Variants in PTPRC observed in about 807,000 individuals in gnomAD.
PTPRC encodes protein tyrosine phosphatase receptor type C, also known as receptor-type tyrosine-protein phosphatase C.
Under a neutral mutation model 155.9 loss-of-function variants are expected in PTPRC, and 44 were observed. The observed-to-expected ratio is 0.28, with a 90% CI of 0.22 to 0.36. The LOEUF (loss-of-function observed/expected upper bound fraction) is 0.36. Among genes scored for constraint, PTPRC ranks in the 10% least tolerant of loss-of-function variants. The pLI is 1.00. For missense variants in PTPRC, 1,401 were observed against 1,564.6 expected, an observed-to-expected ratio of 0.90 and a Z score of 1.76; for synonymous variants, 525 against 533.1, an observed-to-expected ratio of 0.98 and a Z score of 0.21.
intron 2 of PTPRC, among the ~76,000 whole-genome samples, chr1:198,677,745 C>T (rs1364359561): frequency 6.6e-6 from 1 of 152,092 alleles, no homozygotes; most frequent in Non-Finnish European, 1.5e-5. Context: ...ACCAAGCCTC[C>T]TGCATGTATT....
At chr1:198,685,897 G>T (rs1214969140) in intron 2 of PTPRC, among the ~76,000 whole-genome samples, 1 of 151,604 alleles carries the variant, frequency 6.6e-6, no homozygotes. Flanking sequence ...ACTTTTCCCA[G>T]ATTTGCAGAA....
chr1:198,708,192 T>A lies in PTPRC; in HGVS notation c.964T>A (p.Cys322Ser). 1 of 1,604,950 alleles carries A rather than the reference T, an allele frequency of 6.2e-7. No homozygotes were observed. The highest frequency in any genetic ancestry group is 1.1e-5 in the South Asian group (1 of 90,932). The part of the protein sequence containing the change: ...TQVEKADTTI[C>S]LKWKNIETFT... ...AGTTGAAAAAGCAGATACTACTATT[T>A]GTTTAAAATGGAAAAATATTGAAAC... The change falls in exon 10 of 33, where the codon TGT becomes AGT. Residue 322 changes from cysteine (C) to serine (S), a missense_variant. Around this residue, in one of 3 missense-constraint regions of PTPRC, gnomAD observed 867 missense variants for 970.4 expected, o/e 0.89. Transcript: ENST00000442510.
chr1:198,729,799 T>C (rs970129708), intron 17 of PTPRC, among the ~76,000 whole-genome samples: 2 of 152,142 alleles, frequency 1.3e-5, no homozygotes, highest in Admixed American at 6.6e-5. Flanking sequence ...GTTGAATGTG[T>C]ATAGTTCTAT....
intron 2 of PTPRC, among the ~76,000 whole-genome samples, chr1:198,645,033 G>T (rs1403460012): frequency 6.6e-6 from 1 of 151,678 alleles, no homozygotes; most frequent in Non-Finnish European, 1.5e-5. Flanking sequence ...ATCAAAATTT[G>T]CATACCTGGA....
intron 12 of PTPRC, 111 bp downstream of exon 12, chr1:198,713,183 T>G: frequency 2.7e-6 from 4 of 1,462,642 alleles, no homozygotes; most frequent in Non-Finnish European, 3.8e-6. Flanking sequence ...AGAGACTGCA[T>G]AGGCATAGTA....
At chr1:198,665,690 G>T (rs1055092373) in intron 2 of PTPRC, among the ~76,000 whole-genome samples, 3 of 152,110 alleles carry the variant, frequency 2.0e-5, no homozygotes, top group Non-Finnish European at 4.4e-5. Flanking sequence ...CCTTTCCTTG[G>T]ATTCTCACCA....
intron 2 of PTPRC, among the ~76,000 whole-genome samples, chr1:198,690,696 T>A (rs148183590): frequency 6.6e-6 from 1 of 152,164 alleles, no homozygotes; most frequent in East Asian, 1.9e-4. Context: ...TCTCAGAAGA[T>A]AAAATATAAA....
At chr1:198,669,828 C>A (rs946458559) in intron 2 of PTPRC, among the ~76,000 whole-genome samples, 2 of 152,108 alleles carry the variant, frequency 1.3e-5, no homozygotes, top group African/African-American at 2.4e-5. Flanking sequence ...ATGATGGAGT[C>A]ATTTTTTTCA....
At chr1:198,690,770 C>T (rs1014772338) in intron 2 of PTPRC, among the ~76,000 whole-genome samples, 2 of 152,052 alleles carry the variant, frequency 1.3e-5, no homozygotes, top group African/African-American at 4.8e-5. Context: ...TTCTCTTTAA[C>T]AACCTGAGTT....
intron 28 of PTPRC, 106 bp downstream of exon 28, chr1:198,749,655 T>A (rs1320893614): frequency 9.2e-7 from 1 of 1,090,074 alleles, no homozygotes; most frequent in African/African-American, 1.6e-5. Flanking sequence ...ATGAGCTTGG[T>A]CATAACTACA....
chr1:198,724,702 C>CT (rs1491415044), intron 15 of PTPRC, among the ~76,000 whole-genome samples: 1 of 143,698 alleles, frequency 7.0e-6, no homozygotes, highest in Non-Finnish European at 1.5e-5. Flanking sequence ...CTCTCTCTCT[C>CT]TTTTTTTGGT....
chr1:198,720,855 C>A (rs1653852712), intron 14 of PTPRC, among the ~76,000 whole-genome samples: 1 of 152,074 alleles, frequency 6.6e-6, no homozygotes, highest in African/African-American at 2.4e-5. Flanking sequence ...GTGTATTATA[C>A]TTCATTCCCC....
At chr1:198,704,606 G>A in intron 8 of PTPRC, 108 bp downstream of exon 8, 2 of 1,595,814 alleles carry the variant, frequency 1.3e-6, no homozygotes, top group South Asian at 2.2e-5. Flanking sequence ...AAACTCACTG[G>A]CTCTAATTTC....
chr1:198,701,340 G>A (rs4143303), intron 5 of PTPRC, among the ~76,000 whole-genome samples: 7,335 of 152,206 alleles, frequency 0.048, 216 homozygotes, highest in East Asian at 0.13. Flanking sequence ...TGTTCAGAAC[G>A]TGCATGCATG....
In PTPRC at chr1:198,668,168, T is replaced by G. The variant is rs76788211; in HGVS notation, c.74-24179T>G. On this transcript the variant is annotated intron_variant, in intron 2 of 32. Coordinates refer to ENST00000442510, the MANE Select transcript of PTPRC (RefSeq NM_002838.5). ...ATATGGCTATCTGGAGGAAGAGCAT[T>G]CCAGCTACTCAAATCCAAAGTGGTA... 4.4e-4 allele frequency among the ~76,000 whole-genome samples: 67 copies of G among 152,236 alleles called. No homozygotes were observed. The East Asian group carries it at 0.013, about 28-fold the overall frequency.
intron 7 of PTPRC, 105 bp from the exon 8 acceptor site, chr1:198,704,367 A>G: frequency 1.3e-6 from 2 of 1,568,344 alleles, no homozygotes; most frequent in Non-Finnish European, 1.7e-6. Flanking sequence ...CTAACTAGAT[A>G]GACTTTATGA....
chr1:198,705,291 T>C (rs963146099), intron 8 of PTPRC, among the ~76,000 whole-genome samples: 1 of 152,132 alleles, frequency 6.6e-6, no homozygotes, highest in Non-Finnish European at 1.5e-5. Context: ...GTTTAATTAA[T>C]ATGATCTTTT....
Position 198,742,367 on chromosome 1 carries a change from G to C in PTPRC, c.2697G>C (p.Glu899Asp), listed in dbSNP as rs1391880702. 6.2e-7 allele frequency: 1 copy of C among 1,611,716 alleles called. No individual in the cohort carries two copies. Among genetic ancestry groups the C allele is most frequent in the South Asian group, 1.1e-5 (1 of 91,058 alleles). ...RRQRCLMVQVEAQYILIHQAL... is the reference protein window; with the variant it reads ...RRQRCLMVQVDAQYILIHQAL... ...AGAGATGCCTGATGGTTCAAGTAGAGGTATGTTCTAACCTTTAGTGATTAT... is the reference window on the plus strand; with the variant it reads ...AGAGATGCCTGATGGTTCAAGTAGACGTATGTTCTAACCTTTAGTGATTAT... Residue 899 changes from glutamate (E) to aspartate (D), a missense_variant and splice_region_variant, in exon 25 of 33, where the codon GAG (glutamate) becomes GAC (aspartate). Transcript: ENST00000442510.
intron 2 of PTPRC, among the ~76,000 whole-genome samples, chr1:198,669,901 G>T (rs1664546612): frequency 6.6e-6 from 1 of 152,078 alleles, no homozygotes. Context: ...TCACATTTGT[G>T]AAAGGAAATG....
Sources: gnomAD v4.1 joint callset for allele counts (sites outside exome capture counted in the v4.1 genomes callset) on GRCh38, gnomAD v4.1.1 for gene constraint, gnomAD v4.1.1 regional missense constraint, MANE v1.5 for transcripts, NCBI Gene and HGNC (gene_info 2026-07-23, HGNC 2026-07-21) for gene names.